Variants in CD2AP observed in about 807,000 individuals in gnomAD.
The protein encoded by CD2AP is CD2 associated protein.
In CD2AP, 46 loss-of-function variants were observed where a neutral mutation model predicts 85.1. The observed-to-expected ratio is 0.54, with a 90% CI of 0.43 to 0.69. The LOEUF is 0.69. CD2AP is among the 30% of genes least tolerant of loss of function. The probability of loss-of-function intolerance (pLI) is 0.00; values close to 1 mark genes in which losing one functional copy is unlikely to be tolerated. For synonymous variants in CD2AP, 255 were observed against 252.9 expected, an observed-to-expected ratio of 1.01 and a Z score of -0.08; for missense variants, 769 against 729.5, an observed-to-expected ratio of 1.05 and a Z score of -0.62.
chr6:47,526,834 A>T (rs1766741819), intron 2 of CD2AP, among the ~76,000 whole-genome samples: 1 of 152,200 alleles, frequency 6.6e-6, no homozygotes, highest in Admixed American at 6.5e-5. Flanking sequence ...TATGAGGCAG[A>T]CAGGAGAATC....
intron 17 of CD2AP, among the ~76,000 whole-genome samples, chr6:47,615,792 A>AATTTATTTATTT (rs144113571): frequency 1.7e-5 from 2 of 117,408 alleles, no homozygotes; most frequent in East Asian, 2.2e-4. Context: ...AATTTAATTT[A>AATTTATTTATTT]ATTTATTTAT....
chr6:47,548,666 C>A (rs1176286170), intron 4 of CD2AP, among the ~76,000 whole-genome samples: 1 of 152,034 alleles, frequency 6.6e-6, no homozygotes, highest in Non-Finnish European at 1.5e-5. Flanking sequence ...CACTGTTTCA[C>A]AAGATAGAGA....
chr6:47,588,160 T>C (rs573060654), intron 11 of CD2AP, among the ~76,000 whole-genome samples: 12 of 152,286 alleles, frequency 7.9e-5, no homozygotes, highest in African/African-American at 2.6e-4. Context: ...TTCTCATCTT[T>C]TAGATTCCAG....
At chr6:47,598,141 A>G (rs1008520216) in intron 12 of CD2AP, among the ~76,000 whole-genome samples, 1 of 151,226 alleles carries the variant, frequency 6.6e-6, no homozygotes, top group East Asian at 1.9e-4. Context: ...CAACAAGCAT[A>G]TGGAAAAATG....
At chr6:47,611,507 T>G (rs1185581543) in intron 16 of CD2AP, among the ~76,000 whole-genome samples, 3 of 151,936 alleles carry the variant, frequency 2.0e-5, no homozygotes, top group Non-Finnish European at 4.4e-5. Flanking sequence ...TCTTTATAGC[T>G]TAGTTATCAC....
rs1360343071 is a variant in CD2AP, at chr6:47,609,431, C to CT, written c.1814+130dup. ...GTAGTTCGCGCCTGTAATCCCAGCA[C>CT]TTTGGGAGACCAAGTTTGGAGGATT... On this transcript the variant is annotated intron_variant, in intron 16 of 17. Transcript: ENST00000359314. 3 of 661,382 alleles carry CT rather than the reference C, an allele frequency of 4.5e-6. No homozygotes were observed. The East Asian group carries it at 9.1e-5, about 20-fold the overall frequency. The allele number at this position is 661,382 out of a possible 1,614,324, so 41.0% of individuals were successfully genotyped here.
At chr6:47,621,771 G>A (rs1330174792) in intron 17 of CD2AP, among the ~76,000 whole-genome samples, 1 of 149,664 alleles carries the variant, frequency 6.7e-6, no homozygotes, top group Admixed American at 6.6e-5. Context: ...TTTAATCTAG[G>A]AGGGTTGTAT....
intron 1 of CD2AP, among the ~76,000 whole-genome samples, chr6:47,489,404 G>C (rs1363985843): frequency 6.6e-6 from 1 of 151,948 alleles, no homozygotes; most frequent in African/African-American, 2.4e-5. Context: ...TCGAACTCCT[G>C]ACCTCAGGTG....
chr6:47,499,306 CAT>C (rs1491186491), intron 1 of CD2AP, among the ~76,000 whole-genome samples: 33 of 79,624 alleles, frequency 4.1e-4, no homozygotes, highest in African/African-American at 1.1e-3. Flanking sequence ...GGTGTATGTG[CAT>C]GTGTGTGTGT....
chr6:47,570,330 G>A (rs1582572395), intron 5 of CD2AP, among the ~76,000 whole-genome samples: 1 of 152,180 alleles, frequency 6.6e-6, no homozygotes, highest in East Asian at 1.9e-4. Context: ...AGACAGATTT[G>A]CTGTTTGTTT....
chr6:47,597,985 A>G (rs990629707), intron 12 of CD2AP, among the ~76,000 whole-genome samples: 1 of 150,924 alleles, frequency 6.6e-6, no homozygotes, highest in Non-Finnish European at 1.5e-5. Flanking sequence ...ATGGCAGCCC[A>G]TTTAGTCTCC....
intron 17 of CD2AP, among the ~76,000 whole-genome samples, chr6:47,620,613 C>T (rs944364911): frequency 6.6e-6 from 1 of 152,070 alleles, no homozygotes; most frequent in Middle Eastern, 3.4e-3. Context: ...ATGGGAATTG[C>T]CTTGAATTTG....
intron 2 of CD2AP, among the ~76,000 whole-genome samples, chr6:47,508,222 T>C (rs1469865478): frequency 1.3e-5 from 2 of 152,268 alleles, no homozygotes; most frequent in Non-Finnish European, 2.9e-5. Flanking sequence ...ATAGAAGGTT[T>C]CATCTCCATT....
intron 13 of CD2AP, among the ~76,000 whole-genome samples, chr6:47,601,836 G>T (rs2114140159): frequency 6.6e-6 from 1 of 152,022 alleles, no homozygotes; most frequent in Admixed American, 6.6e-5. Flanking sequence ...ATAATTTGAG[G>T]TTAAATAATA....
chr6:47,597,942 T>A (rs967255908), intron 12 of CD2AP, among the ~76,000 whole-genome samples: 13 of 150,808 alleles, frequency 8.6e-5, no homozygotes, highest in African/African-American at 3.2e-4. Context: ...CCCAGTGGTG[T>A]CTCTTCTTAC....
chr6:47,589,581 T>TATATATATATATATATA (rs1562046500), intron 11 of CD2AP, among the ~76,000 whole-genome samples: 32 of 148,438 alleles, frequency 2.2e-4, no homozygotes, highest in South Asian at 6.4e-4. Context: ...TATATATATA[T>TATATATATATATATATA]TTGTCAGAGT....
At chr6:47,615,044 C>G (rs980455706) in intron 17 of CD2AP, among the ~76,000 whole-genome samples, 1 of 152,152 alleles carries the variant, frequency 6.6e-6, no homozygotes, top group Admixed American at 6.5e-5. Flanking sequence ...TTTTTAGAGA[C>G]TCTTCCCATT....
At position 47,579,551 on chromosome 6, in the gene CD2AP, C is replaced by G. The variant is rs1401956599; in HGVS notation, c.1008+62C>G. 26 of 1,079,994 alleles carry G rather than the reference C, an allele frequency of 2.4e-5. No individual in the cohort carries two copies. In the Admixed American group the frequency reaches 4.6e-4, roughly 19 times the overall value. 66.9% of individuals were successfully genotyped at this position (1,079,994 alleles called of 1,614,324 possible). ...AGAACATTTTGCCACTATTCTTTTG[C>G]AAACAAGTTTTTTTGCATTATTATT... On this transcript the variant is annotated intron_variant, in intron 9 of 17. Transcript: ENST00000359314.
At chr6:47,505,614 C>G (rs797007470) in intron 2 of CD2AP, among the ~76,000 whole-genome samples, 4 of 52,676 alleles carry the variant, frequency 7.6e-5, no homozygotes, top group South Asian at 8.1e-4. Flanking sequence ...GCTGGCCGGG[C>G]GGGGGGGGCT....
Sources: allele counts gnomAD v4.1 joint callset (sites outside exome capture counted in the v4.1 genomes callset), GRCh38; gene constraint gnomAD v4.1.1; transcripts MANE v1.5; gene names NCBI Gene and HGNC (gene_info 2026-07-23, HGNC 2026-07-21).